The following NOL10 variants were observed in gnomAD, a reference collection of about 807,000 sequenced individuals.
The protein encoded by NOL10 is H_NH0074G24.1.
NOL10 carries 58 observed loss-of-function variants against 103.5 expected under a neutral mutation model. The ratio of observed to expected loss-of-function variants is 0.56; its 90% CI spans 0.45 to 0.70. NOL10 has a LOEUF of 0.70. Ranked by LOEUF, NOL10 falls within the 30% of genes least tolerant of loss-of-function variation. The pLI is 0.00. For synonymous variants in NOL10, 287 were observed against 282.5 expected (o/e 1.02, Z -0.16); for missense variants, 763 against 807.3 (o/e 0.95, Z 0.67).
intron 11 of NOL10, among the ~76,000 whole-genome samples, chr2:10,655,206 CA>C (rs1431161450): frequency 1.4e-3 from 118 of 85,374 alleles, no homozygotes; most frequent in African/African-American, 1.6e-3. Context: ...AGATTCTGCC[CA>C]AAAAAAAAAA....
chr2:10,641,846 C>T (rs1231249653), intron 13 of NOL10, among the ~76,000 whole-genome samples: 1 of 152,148 alleles, frequency 6.6e-6, no homozygotes. Flanking sequence ...CCCCACCTCT[C>T]CATAACGCGG....
At chr2:10,672,040 A>T (rs1572420134) in intron 5 of NOL10, among the ~76,000 whole-genome samples, 1 of 152,304 alleles carries the variant, frequency 6.6e-6, no homozygotes, top group East Asian at 1.9e-4. Flanking sequence ...ACATTTAAAT[A>T]ATCCTGGCCG....
At chr2:10,688,872 GAAGA>G (rs966078206) in intron 1 of NOL10, among the ~76,000 whole-genome samples, 13 of 152,210 alleles carry the variant, frequency 8.5e-5, no homozygotes, top group African/African-American at 3.1e-4. Flanking sequence ...AGAATTTTAG[GAAGA>G]AAGGAAAAAC....
At chr2:10,573,964 T>TA (rs1001426464) in intron 20 of NOL10, among the ~76,000 whole-genome samples, 5 of 152,042 alleles carry the variant, frequency 3.3e-5, no homozygotes, top group African/African-American at 7.2e-5. Context: ...CGGAAGGATT[T>TA]AAAAAAAATA....
intron 13 of NOL10, among the ~76,000 whole-genome samples, chr2:10,628,212 A>C (rs1240568670): frequency 6.6e-6 from 1 of 152,132 alleles, no homozygotes; most frequent in Non-Finnish European, 1.5e-5. Flanking sequence ...GCCTGGAAAC[A>C]CAATTCTTGA....
chr2:10,589,402 G>A, intron 18 of NOL10, 112 bp from the exon 19 acceptor site: 1 of 1,407,366 alleles, frequency 7.1e-7, no homozygotes, highest in South Asian at 1.4e-5. Flanking sequence ...CTGCTCTACT[G>A]CATGCATCAG....
At chr2:10,639,672 T>C (rs1029485851) in intron 13 of NOL10, among the ~76,000 whole-genome samples, 2 of 152,118 alleles carry the variant, frequency 1.3e-5, no homozygotes, top group African/African-American at 4.8e-5. Flanking sequence ...TCTACATAGT[T>C]GCCAAGGATG....
chr2:10,642,187 T>C (rs921863308), intron 13 of NOL10, among the ~76,000 whole-genome samples: 1 of 152,214 alleles, frequency 6.6e-6, no homozygotes, highest in African/African-American at 2.4e-5. Context: ...GCAGCATTCT[T>C]GTGATCTATA....
chr2:10,620,466 G>A (rs1013245875), intron 13 of NOL10, among the ~76,000 whole-genome samples: 2 of 152,128 alleles, frequency 1.3e-5, no homozygotes, highest in Non-Finnish European at 2.9e-5. Context: ...TTGGGGAGGC[G>A]GTCATGCACG....
intron 9 of NOL10, 128 bp from the exon 10 acceptor site, chr2:10,659,378 G>C: frequency 3.1e-6 from 2 of 650,372 alleles, no homozygotes; most frequent in Non-Finnish European, 5.4e-6. Context: ...CTAGGCTTCT[G>C]TTTAAAAGGT....
intron 13 of NOL10, among the ~76,000 whole-genome samples, chr2:10,621,726 C>CT (rs1677160028): frequency 1.3e-5 from 2 of 152,232 alleles, no homozygotes; most frequent in Admixed American, 1.3e-4. Context: ...AAGAAATTCT[C>CT]TGTTGGAACA....
chr2:10,666,292 C>A (rs1680561494), intron 8 of NOL10, among the ~76,000 whole-genome samples: 1 of 152,084 alleles, frequency 6.6e-6, no homozygotes, highest in African/African-American at 2.4e-5. Flanking sequence ...TTAATTCCAT[C>A]CATATGAAAC....
chr2:10,610,706 T>C (rs764299628), intron 13 of NOL10, among the ~76,000 whole-genome samples: 1 of 152,240 alleles, frequency 6.6e-6, no homozygotes, highest in Admixed American at 6.5e-5. Context: ...CACTCTCTGA[T>C]GTAGCTACAT....
At chr2:10,620,313 G>C (rs1343422224) in intron 13 of NOL10, among the ~76,000 whole-genome samples, 2 of 152,052 alleles carry the variant, frequency 1.3e-5, no homozygotes, top group African/African-American at 4.8e-5. Flanking sequence ...AATACCCAGG[G>C]GGGGAAACTC....
At chr2:10,651,489 GTAAT>G (rs1460845053) in intron 12 of NOL10, among the ~76,000 whole-genome samples, 39 of 152,198 alleles carry the variant, frequency 2.6e-4, no homozygotes, top group African/African-American at 8.7e-4. Context: ...ATTTCAACAT[GTAAT>G]TAATAGAAAA....
chr2:10,576,229 G>A (rs1674444139), intron 20 of NOL10, among the ~76,000 whole-genome samples: 1 of 152,178 alleles, frequency 6.6e-6, no homozygotes, highest in African/African-American at 2.4e-5. Context: ...CAGGTTTGGT[G>A]TGGATGTGGA....
At chr2:10,598,570 G>T (rs1433714304) in intron 17 of NOL10, among the ~76,000 whole-genome samples, 1 of 152,160 alleles carries the variant, frequency 6.6e-6, no homozygotes, top group African/African-American at 2.4e-5. Flanking sequence ...GTGACAAGAA[G>T]AAGAAAAGTG....
chr2:10,667,296 TAAGA>T lies in NOL10; in HGVS notation c.531-22_531-19del, dbSNP rs776850013. On this transcript the variant is annotated intron_variant, in intron 7 of 20. Coordinates refer to ENST00000381685, the MANE Select transcript of NOL10 (RefSeq NM_024894.4). ...TATTCTCCCTAACACAGGAAAGCAGTAAGAAAGAATGAATTAGTTAGCACCTACT... is the reference window on the plus strand; with the variant it reads ...TATTCTCCCTAACACAGGAAAGCAGTAAGAATGAATTAGTTAGCACCTACT... 2.6e-6 allele frequency: 4 copies of T among 1,552,652 alleles called. No homozygotes were observed. In the African/African-American group the frequency reaches 4.1e-5, roughly 16 times the overall value.
At chr2:10,663,583 T>A (rs1221730371) in intron 8 of NOL10, among the ~76,000 whole-genome samples, 1 of 152,098 alleles carries the variant, frequency 6.6e-6, no homozygotes, top group Non-Finnish European at 1.5e-5. Context: ...ATGCAAAATA[T>A]ATATATCACT....
Sources: allele counts gnomAD v4.1 joint callset (sites outside exome capture counted in the v4.1 genomes callset), GRCh38; gene constraint gnomAD v4.1.1; transcripts MANE v1.5; gene names NCBI Gene and HGNC (gene_info 2026-07-23, HGNC 2026-07-21).